FARP1: variants seen among roughly 807,000 people sequenced by gnomAD.
The protein encoded by FARP1 is FERM, ARH/RhoGEF and pleckstrin domain protein 1.
A neutral mutation model predicts 128.8 loss-of-function variants in FARP1; 52 were observed. The observed-to-expected ratio is 0.40, with a 90% CI of 0.32 to 0.51. The LOEUF is 0.51. Ranked by LOEUF, FARP1 falls within the 20% of genes least tolerant of loss-of-function variation. The probability of loss-of-function intolerance (pLI) is 0.45; values close to 1 mark genes in which losing one functional copy is unlikely to be tolerated. For missense variants in FARP1, 1,333 were observed against 1,367.9 expected (o/e 0.97, Z 0.40); for synonymous variants, 580 against 551.8 (o/e 1.05, Z -0.72).
At chr13:98,295,044 ATTACACAC>A (rs1277886584) in intron 2 of FARP1, among the ~76,000 whole-genome samples, 2 of 133,358 alleles carry the variant, frequency 1.5e-5, no homozygotes, top group African/African-American at 2.9e-5. Context: ...ATATATATAT[ATTACACAC>A]ACACACACAC....
At chr13:98,334,040 C>T (rs1327059920) in intron 2 of FARP1, 1 of 152,296 alleles carries the variant, frequency 6.6e-6, no homozygotes, top group East Asian at 1.9e-4. Flanking sequence ...ATGGTGTATA[C>T]TAAGTCGCTT....
At chr13:98,289,770 C>T (rs758254372) in intron 2 of FARP1, among the ~76,000 whole-genome samples, 9 of 151,862 alleles carry the variant, frequency 5.9e-5, no homozygotes, top group African/African-American at 1.5e-4. Flanking sequence ...AGTGTAATCC[C>T]GAGGGAATAA....
At position 98,446,647 on chromosome 13, in the gene FARP1, C is replaced by G. The variant is rs778364254; in HGVS notation, c.2905-19C>G. On this transcript the variant is annotated intron_variant, in intron 25 of 26. Coordinates refer to ENST00000319562, the MANE Select transcript of FARP1 (RefSeq NM_005766.4). Reference sequence around the variant, plus strand: ...AAGCTGACCCCGAAAAGCCACTTTGCTTTGTTTCCCCTTTCCAGGACAATC... The same window carrying G: ...AAGCTGACCCCGAAAAGCCACTTTGGTTTGTTTCCCCTTTCCAGGACAATC... 6.2e-7 allele frequency: 1 copy of G among 1,612,990 alleles called. No homozygotes were observed. Among genetic ancestry groups the G allele is most frequent in the South Asian group, 1.1e-5 (1 of 91,016 alleles).
chr13:98,293,632 C>T (rs1341629281), intron 2 of FARP1, among the ~76,000 whole-genome samples: 2 of 152,112 alleles, frequency 1.3e-5, no homozygotes, highest in Non-Finnish European at 1.5e-5. Context: ...TGTAAGGAAT[C>T]GAAATTTCCA....
chr13:98,376,746 G>T (rs1411581266), intron 5 of FARP1, among the ~76,000 whole-genome samples: 5 of 139,828 alleles, frequency 3.6e-5, no homozygotes, highest in African/African-American at 5.5e-5. Context: ...GATAGTACTT[G>T]AGGGTTTTTT....
chr13:98,422,616 T>C (rs1594518275), intron 16 of FARP1, among the ~76,000 whole-genome samples: 1 of 152,176 alleles, frequency 6.6e-6, no homozygotes, highest in African/African-American at 2.4e-5. Flanking sequence ...TTGGAACCAA[T>C]AGAATAAATA....
chr13:98,167,622 C>G (rs1261771096), intron 1 of FARP1, among the ~76,000 whole-genome samples: 1 of 151,904 alleles, frequency 6.6e-6, no homozygotes, highest in African/African-American at 2.4e-5. Context: ...GTTGGCCAGG[C>G]TGGTCGCGAA....
intron 2 of FARP1, among the ~76,000 whole-genome samples, chr13:98,304,657 G>A (rs552235829): frequency 1.4e-4 from 22 of 152,202 alleles, no homozygotes; most frequent in Non-Finnish European, 2.6e-4. Flanking sequence ...ATTTTAAGTG[G>A]TATCACCTTC....
At chr13:98,388,092 C>T (rs1890167260) in intron 8 of FARP1, among the ~76,000 whole-genome samples, 1 of 152,140 alleles carries the variant, frequency 6.6e-6, no homozygotes, top group Non-Finnish European at 1.5e-5. Flanking sequence ...TGGTGGTTGT[C>T]ATGGTTTTTA....
chr13:98,264,495 G>A (rs1884012246), intron 2 of FARP1, among the ~76,000 whole-genome samples: 1 of 152,126 alleles, frequency 6.6e-6, no homozygotes, highest in Non-Finnish European at 1.5e-5. Flanking sequence ...CGACTGTCGT[G>A]GCACCACAGG....
At chr13:98,333,861 G>A (rs1370446343) in intron 2 of FARP1, 1 of 152,056 alleles carries the variant, frequency 6.6e-6, no homozygotes, top group African/African-American at 2.4e-5. Context: ...GTTCCTGTCG[G>A]TGGTCGCAGT....
At chr13:98,230,131 T>A (rs868146935) in intron 2 of FARP1, among the ~76,000 whole-genome samples, 3 of 152,282 alleles carry the variant, frequency 2.0e-5, no homozygotes, top group South Asian at 2.1e-4. Flanking sequence ...AAGAGAGACT[T>A]ATTTGGGCAT....
chr13:98,293,518 C>A (rs892506528), intron 2 of FARP1, among the ~76,000 whole-genome samples: 5 of 152,156 alleles, frequency 3.3e-5, no homozygotes, highest in African/African-American at 1.2e-4. Flanking sequence ...CACCAGAATC[C>A]ATGGAGAAAC....
At position 98,454,954 on chromosome 13, in the gene FARP1, A is replaced by G. The variant is rs1203331373; in HGVS notation, c.*6637A>G. The G allele has an allele frequency of 6.6e-6, 1 of 152,220 alleles. No homozygotes were observed. The highest frequency in any genetic ancestry group is 2.4e-5 in the African/African-American group (1 of 41,438). The allele number at this position is 152,220 out of a possible 1,614,324, so 9.4% of individuals were successfully genotyped here. A position where few individuals can be genotyped will look rare whatever the true frequency, so the allele number is the denominator to read the frequency against. On this transcript the variant is annotated 3_prime_UTR_variant, in exon 27 of 27. Transcript: ENST00000319562. Reference sequence around the variant, plus strand: ...ACTGCAAAGTAAAGTTTTAAACACAACACAGACATCAGGTAGCTACAGACC... The same window carrying G: ...ACTGCAAAGTAAAGTTTTAAACACAGCACAGACATCAGGTAGCTACAGACC...
At chr13:98,256,955 A>G (rs1444675779) in intron 2 of FARP1, among the ~76,000 whole-genome samples, 7,829 of 68,750 alleles carry the variant, frequency 0.11, 887 homozygotes, top group African/African-American at 0.26. Context: ...GTGGATATAT[A>G]TATATATATA....
intron 1 of FARP1, among the ~76,000 whole-genome samples, chr13:98,151,298 A>G (rs556764277): frequency 4.9e-4 from 75 of 152,308 alleles, no homozygotes; most frequent in African/African-American, 1.8e-3. Flanking sequence ...CACAGAGTGT[A>G]TGTAGGGTTC....
At chr13:98,153,001 A>G (rs1200861074) in intron 1 of FARP1, among the ~76,000 whole-genome samples, 1 of 152,020 alleles carries the variant, frequency 6.6e-6, no homozygotes, top group Non-Finnish European at 1.5e-5. Flanking sequence ...AATGCCAGCC[A>G]TTTCTGTCAA....
At chr13:98,278,451 A>G (rs1884776904) in intron 2 of FARP1, among the ~76,000 whole-genome samples, 1 of 151,858 alleles carries the variant, frequency 6.6e-6, no homozygotes, top group African/African-American at 2.4e-5. Context: ...TGTGTGTGAG[A>G]CAGTGTTGCA....
chr13:98,341,891 C>T (rs968962139), intron 2 of FARP1, among the ~76,000 whole-genome samples: 1 of 152,128 alleles, frequency 6.6e-6, no homozygotes, highest in Non-Finnish European at 1.5e-5. Flanking sequence ...GTATTGATTT[C>T]AGCAGACATT....
Sources: gnomAD v4.1 joint callset for allele counts (sites outside exome capture counted in the v4.1 genomes callset) on GRCh38, gnomAD v4.1.1 for gene constraint, MANE v1.5 for transcripts, NCBI Gene and HGNC (gene_info 2026-07-23, HGNC 2026-07-21) for gene names.